FOXJ3: variants seen among roughly 807,000 people sequenced by gnomAD.
The protein encoded by FOXJ3 is forkhead box J3.
Under a neutral mutation model 76.1 loss-of-function variants are expected in FOXJ3, and 22 were observed. That is an observed-to-expected ratio of 0.29 (90% confidence interval 0.21 to 0.41). FOXJ3 has a LOEUF of 0.41. FOXJ3 is among the 10% of genes least tolerant of loss of function. The probability of loss-of-function intolerance (pLI) is 1.00; values close to 1 mark genes in which losing one functional copy is unlikely to be tolerated. For synonymous variants in FOXJ3, 269 were observed against 261.2 expected (o/e 1.03, Z -0.29); for missense variants, 613 against 762.1 (o/e 0.80, Z 2.30).
chr1:42,314,466 T>A (rs1654992403), intron 1 of FOXJ3, among the ~76,000 whole-genome samples: 1 of 152,214 alleles, frequency 6.6e-6, no homozygotes, highest in African/African-American at 2.4e-5. Context: ...CAGGCTGGTC[T>A]TGAACTGCTG....
intron 4 of FOXJ3, among the ~76,000 whole-genome samples, chr1:42,255,363 A>C (rs1427834071): frequency 1.3e-5 from 2 of 152,198 alleles, no homozygotes; most frequent in Non-Finnish European, 2.9e-5. Context: ...CTACTAAAAA[A>C]CTAAAAGAGG....
rs1647017292 is a variant in FOXJ3 at position 42,213,991 on chromosome 1, C to T, written c.529-8128G>A. Among the ~76,000 whole-genome samples, 7 of 152,126 alleles carry T rather than the reference C, an allele frequency of 4.6e-5. No individual in the cohort carries two copies. The South Asian group carries it at 1.4e-3, about 31-fold the overall frequency. ...TAATTTGAACATTCTACAATGTATA[C>T]ATGTGCTGAAACATCACACTGTACC... On this transcript the variant is annotated intron_variant, in intron 5 of 12. Coordinates refer to ENST00000361346, the MANE Select transcript of FOXJ3 (RefSeq NM_014947.5).
At chr1:42,315,130 G>A (rs1330214355) in intron 1 of FOXJ3, among the ~76,000 whole-genome samples, 1 of 152,202 alleles carries the variant, frequency 6.6e-6, no homozygotes, top group Non-Finnish European at 1.5e-5. Flanking sequence ...TCCAGAACTG[G>A]CAAATCTATA....
chr1:42,286,699 T>A (rs940336242), intron 2 of FOXJ3, among the ~76,000 whole-genome samples: 3 of 152,070 alleles, frequency 2.0e-5, no homozygotes, highest in Non-Finnish European at 4.4e-5. Flanking sequence ...CAATGGCAGG[T>A]CTCAGCTCAC....
chr1:42,291,359 G>A (rs7547116), intron 2 of FOXJ3, among the ~76,000 whole-genome samples: 114,704 of 151,844 alleles, frequency 0.76, 43,385 homozygotes, highest in Admixed American at 0.81. Context: ...GACACCAAAA[G>A]CAATCACAGT....
Position 42,333,654 on chromosome 1 carries a change from C to CG in FOXJ3, c.-18+1404dup, listed in dbSNP as rs142824939. On this transcript the variant is annotated intron_variant, in intron 1 of 12. Coordinates refer to ENST00000361346, the MANE Select transcript of FOXJ3 (RefSeq NM_014947.5). ...GAATAGGCTTCTCTCACTGTTATTG[C>CG]GGGAACAATCTGTGGTCTCAAAACA... Among the ~76,000 whole-genome samples, 832 of 152,032 alleles carry CG rather than the reference C, an allele frequency of 5.5e-3. 14 individuals are homozygous for CG. The highest frequency in any genetic ancestry group is 0.019 in the African/African-American group (806 of 41,456).
At chr1:42,264,381 T>C (rs1023933351) in intron 4 of FOXJ3, among the ~76,000 whole-genome samples, 1 of 152,146 alleles carries the variant, frequency 6.6e-6, no homozygotes, top group Non-Finnish European at 1.5e-5. Flanking sequence ...GGTGCTTACA[T>C]GACCAGGGTT....
At chr1:42,292,023 G>A (rs975648592) in intron 2 of FOXJ3, among the ~76,000 whole-genome samples, 2 of 152,058 alleles carry the variant, frequency 1.3e-5, no homozygotes, top group South Asian at 2.1e-4. Flanking sequence ...GGAGCCAGGG[G>A]ATGGGACCCT....
rs75420709 is a variant in FOXJ3, at chr1:42,217,799, T to C, written c.528+10084A>G. 6.9e-3 allele frequency among the ~76,000 whole-genome samples: 1,048 copies of C among 152,322 alleles called. 14 individuals are homozygous for C. Among genetic ancestry groups the C allele is most frequent in the African/African-American group, 0.024 (999 of 41,566 alleles). On this transcript the variant is annotated intron_variant, in intron 5 of 12. Coordinates refer to ENST00000361346, the MANE Select transcript of FOXJ3 (RefSeq NM_014947.5). ...AATGTTAATGTGCCACTGTTGATAATTGCACAGTTGTATAGATCCCAAAAC... is the reference window on the plus strand; with the variant it reads ...AATGTTAATGTGCCACTGTTGATAACTGCACAGTTGTATAGATCCCAAAAC...
At chr1:42,250,422 A>G (rs1411451064) in intron 4 of FOXJ3, among the ~76,000 whole-genome samples, 1 of 152,202 alleles carries the variant, frequency 6.6e-6, no homozygotes, top group Non-Finnish European at 1.5e-5. Flanking sequence ...ATGTCCAGGA[A>G]CTATTAAATA....
Position 42,176,791 on chromosome 1 carries a change from T to G in FOXJ3, c.*2919A>C, listed in dbSNP as rs539416150. 27 of 152,778 alleles carry G rather than the reference T, an allele frequency of 1.8e-4. No homozygotes were observed. The highest frequency in any genetic ancestry group is 6.5e-4 in the African/African-American group (27 of 41,582). The allele number at this position is 152,778 out of a possible 1,614,324, so 9.5% of individuals were successfully genotyped here. A position where few individuals can be genotyped will look rare whatever the true frequency, so the allele number is the denominator to read the frequency against. On this transcript the variant is annotated 3_prime_UTR_variant, in exon 13 of 13. Transcript: ENST00000361346. Reference sequence around the variant, plus strand: ...ATCTGCACAAAAAGCCAATGCATTTTCATCACATATATACAATATAGATAT... The same window carrying G: ...ATCTGCACAAAAAGCCAATGCATTTGCATCACATATATACAATATAGATAT...
intron 4 of FOXJ3, among the ~76,000 whole-genome samples, chr1:42,253,894 T>C (rs1014703810): frequency 5.9e-5 from 9 of 152,022 alleles, no homozygotes; most frequent in Admixed American, 1.3e-4. Context: ...ATTCAGGACA[T>C]AGGCATGGGC....
chr1:42,289,533 A>G (rs1403122086), intron 2 of FOXJ3, among the ~76,000 whole-genome samples: 5 of 152,182 alleles, frequency 3.3e-5, no homozygotes, highest in Non-Finnish European at 5.9e-5. Flanking sequence ...AAGTCTCCAT[A>G]GTGTACAACA....
chr1:42,183,092 C>T (rs1349990889), intron 11 of FOXJ3, among the ~76,000 whole-genome samples: 3 of 150,302 alleles, frequency 2.0e-5, no homozygotes, highest in Non-Finnish European at 3.0e-5. Context: ...CTGGCCAACA[C>T]GGCAAAACCC....
At chr1:42,277,913 C>T (rs976714731) in intron 3 of FOXJ3, among the ~76,000 whole-genome samples, 2 of 146,518 alleles carry the variant, frequency 1.4e-5, no homozygotes, top group African/African-American at 5.1e-5. Flanking sequence ...GAAGGCGAAG[C>T]TTGCAGTGAG....
At chr1:42,299,148 A>G (rs898141934) in intron 2 of FOXJ3, among the ~76,000 whole-genome samples, 5 of 152,188 alleles carry the variant, frequency 3.3e-5, no homozygotes, top group African/African-American at 7.2e-5. Context: ...TCTGGTCTAC[A>G]GTTTAGGTCC....
At chr1:42,252,770 A>T (rs758438877) in intron 4 of FOXJ3, among the ~76,000 whole-genome samples, 148 of 152,294 alleles carry the variant, frequency 9.7e-4, no homozygotes, top group Middle Eastern at 6.8e-3. Flanking sequence ...ATTTAGTGCT[A>T]TAAATTTCCC....
At chr1:42,311,930 G>A (rs1333097978) in intron 1 of FOXJ3, among the ~76,000 whole-genome samples, 2 of 152,146 alleles carry the variant, frequency 1.3e-5, no homozygotes, top group Non-Finnish European at 2.9e-5. Flanking sequence ...GGAGCACATG[G>A]GAGGGTATCA....
intron 2 of FOXJ3, among the ~76,000 whole-genome samples, chr1:42,298,302 C>G (rs1484540346): frequency 6.6e-6 from 1 of 152,190 alleles, no homozygotes; most frequent in African/African-American, 2.4e-5. Context: ...AGCATGAGAA[C>G]AGACTAATAC....
Sources: allele counts gnomAD v4.1 joint callset (sites outside exome capture counted in the v4.1 genomes callset), GRCh38; gene constraint gnomAD v4.1.1; transcripts MANE v1.5; gene names NCBI Gene and HGNC (gene_info 2026-07-23, HGNC 2026-07-21).